The following PLD1 variants were observed in gnomAD, a reference collection of about 807,000 sequenced individuals.
PLD1 encodes the protein phospholipase D1, also known as choline phosphatase 1.
PLD1 carries 112 observed loss-of-function variants against 137.1 expected under a neutral mutation model. The observed-to-expected ratio is 0.82, with a 90% confidence interval of 0.70 to 0.96. PLD1 has a LOEUF of 0.96. PLD1 is among the 40% of genes least tolerant of loss of function. The probability of loss-of-function intolerance (pLI) is 0.00; values close to 1 mark genes in which losing one functional copy is unlikely to be tolerated. For synonymous variants in PLD1, 431 were observed against 454.7 expected, an observed-to-expected ratio of 0.95 and a Z score of 0.66; for missense variants, 1,321 against 1,342.0, an observed-to-expected ratio of 0.98 and a Z score of 0.24.
intron 1 of PLD1, among the ~76,000 whole-genome samples, chr3:171,756,383 C>A (rs1721029994): frequency 1.3e-5 from 2 of 152,192 alleles, no homozygotes; most frequent in African/African-American, 4.8e-5. Flanking sequence ...AACAGAAAAC[C>A]AGCTCTCTAT....
At chr3:171,769,227 C>G (rs1722180488) in intron 1 of PLD1, among the ~76,000 whole-genome samples, 2 of 152,122 alleles carry the variant, frequency 1.3e-5, no homozygotes, top group African/African-American at 2.4e-5. Context: ...GTTACCATCT[C>G]TAGATGAAAA....
Position 171,675,869 on chromosome 3 carries a change from G to C in PLD1, c.2115+846C>G, listed in dbSNP as rs1269912677. Among the ~76,000 whole-genome samples, 14 of 145,442 alleles carry C rather than the reference G, an allele frequency of 9.6e-5. No homozygotes were observed. In the Admixed American group the frequency reaches 9.6e-4, roughly 10 times the overall value. The stretch of plus-strand genomic sequence containing the variant: ...TTTTTTTTTTTTTTTTTGAGACAGA[G>C]TCTCGCTCTGTTGCCTAGGCTGGAG... On this transcript the variant is annotated intron_variant, in intron 18 of 26. Coordinates refer to ENST00000351298, the MANE Select transcript of PLD1 (RefSeq NM_002662.5).
chr3:171,669,397 C>A (rs1165424548), intron 19 of PLD1, among the ~76,000 whole-genome samples: 1 of 152,066 alleles, frequency 6.6e-6, no homozygotes, highest in Non-Finnish European at 1.5e-5. Flanking sequence ...TTCTTTGTTG[C>A]AAACTTTTTT....
intron 1 of PLD1, among the ~76,000 whole-genome samples, chr3:171,754,111 T>A (rs1201249344): frequency 4.6e-5 from 7 of 152,192 alleles, no homozygotes; most frequent in Admixed American, 4.6e-4. Context: ...GTGAGTTCAT[T>A]GAGTACACTC....
chr3:171,722,395 G>A (rs971659242), intron 8 of PLD1, among the ~76,000 whole-genome samples: 1 of 152,136 alleles, frequency 6.6e-6, no homozygotes, highest in South Asian at 2.1e-4. Flanking sequence ...TCACAAAGTT[G>A]TATAACCATC....
intron 1 of PLD1, among the ~76,000 whole-genome samples, chr3:171,783,313 T>C (rs1722866415): frequency 6.6e-6 from 1 of 151,962 alleles, no homozygotes; most frequent in Non-Finnish European, 1.5e-5. Context: ...AAGTGTAGAG[T>C]TATGCCTGAG....
intron 21 of PLD1, among the ~76,000 whole-genome samples, chr3:171,652,132 G>C (rs946007298): frequency 6.6e-6 from 1 of 152,080 alleles, no homozygotes; most frequent in African/African-American, 2.4e-5. Flanking sequence ...AATGTGTTTT[G>C]GCCAGGCGCG....
intron 20 of PLD1, among the ~76,000 whole-genome samples, chr3:171,661,847 T>C (rs1422399248): frequency 6.6e-6 from 1 of 152,206 alleles, no homozygotes; most frequent in Non-Finnish European, 1.5e-5. Flanking sequence ...AGACTCCCAA[T>C]AGAATCTTGA....
At chr3:171,722,526 A>T (rs1327522681) in intron 8 of PLD1, among the ~76,000 whole-genome samples, 2 of 152,178 alleles carry the variant, frequency 1.3e-5, no homozygotes, top group African/African-American at 4.8e-5. Context: ...TTCCGTCTCT[A>T]CAGATTTGTC....
At chr3:171,736,510 G>T (rs957053169) in intron 3 of PLD1, among the ~76,000 whole-genome samples, 13 of 152,154 alleles carry the variant, frequency 8.5e-5, no homozygotes, top group African/African-American at 2.2e-4. Context: ...GTGCTCAGTG[G>T]TGTATCAGGG....
At chr3:171,788,887 T>G (rs1423281900) in intron 1 of PLD1, 2 of 152,112 alleles carry the variant, frequency 1.3e-5, no homozygotes, top group East Asian at 1.9e-4. Context: ...TTGCATCTGT[T>G]AATGAGACTG....
At chr3:171,649,163 T>G (rs1311637394) in intron 21 of PLD1, among the ~76,000 whole-genome samples, 1 of 152,192 alleles carries the variant, frequency 6.6e-6, no homozygotes. Flanking sequence ...TGTATGATAT[T>G]GAGAAATGTC....
intron 16 of PLD1, among the ~76,000 whole-genome samples, chr3:171,685,233 C>G (rs1197032442): frequency 6.6e-6 from 1 of 151,986 alleles, no homozygotes; most frequent in Admixed American, 6.5e-5. Context: ...GATTGGACAC[C>G]CCTGCCCTAG....
chr3:171,685,957 A>G (rs894769303), intron 16 of PLD1, among the ~76,000 whole-genome samples: 2 of 151,986 alleles, frequency 1.3e-5, no homozygotes, highest in Non-Finnish European at 2.9e-5. Flanking sequence ...CATTTCTACT[A>G]AAAGTACAAA....
chr3:171,728,979 T>G (rs1278378299), intron 6 of PLD1, among the ~76,000 whole-genome samples: 1 of 152,062 alleles, frequency 6.6e-6, no homozygotes, highest in Non-Finnish European at 1.5e-5. Flanking sequence ...AGTTATCAAA[T>G]TGAAAGTAAA....
At chr3:171,665,836 C>T (rs949725193) in intron 19 of PLD1, among the ~76,000 whole-genome samples, 1 of 152,144 alleles carries the variant, frequency 6.6e-6, no homozygotes, top group African/African-American at 2.4e-5. Flanking sequence ...GCTTCAGCAT[C>T]ATCTATCCCA....
At chr3:171,688,578 C>T (rs1714802309) in intron 14 of PLD1, 98 bp downstream of exon 14, 1 of 947,220 alleles carries the variant, frequency 1.1e-6, no homozygotes, top group African/African-American at 1.6e-5. Flanking sequence ...AAGGAGACAC[C>T]ATCTCTTATT....
rs1719511169 is a variant in PLD1, at chr3:171,738,068, G to A, written c.-17C>T. The A allele has an allele frequency of 6.2e-7, 1 of 1,602,614 alleles. No individual in the cohort carries two copies. Among genetic ancestry groups the A allele is most frequent in the East Asian group, 2.2e-5 (1 of 44,780 alleles). ...CAGTGACATGTTAACTTTGGACAGA[G>A]TAAAAGCAAAGGGGCTAGGAAAGAA... On this transcript the variant is annotated 5_prime_UTR_variant, in exon 2 of 27. Transcript: ENST00000351298.
At chr3:171,669,659 C>T (rs1209628722) in intron 19 of PLD1, among the ~76,000 whole-genome samples, 2 of 152,220 alleles carry the variant, frequency 1.3e-5, no homozygotes, top group African/African-American at 4.8e-5. Context: ...CCTTGGCCTC[C>T]GTAAGTGCTG....
Sources: allele counts gnomAD v4.1 joint callset (sites outside exome capture counted in the v4.1 genomes callset), GRCh38; gene constraint gnomAD v4.1.1; transcripts MANE v1.5; gene names NCBI Gene and HGNC (gene_info 2026-07-23, HGNC 2026-07-21).